CDC42SE2: variants seen among roughly 807,000 people sequenced by gnomAD.
The protein encoded by CDC42SE2 is CDC42 small effector protein 2.
In CDC42SE2, 3 loss-of-function variants were observed where a neutral mutation model predicts 11.5. The observed-to-expected ratio is 0.26, with a 90% CI of 0.12 to 0.67. CDC42SE2 has a LOEUF of 0.67. Ranked by LOEUF, CDC42SE2 falls within the 30% of genes least tolerant of loss-of-function variation. The pLI is 0.80. For missense variants in CDC42SE2, 82 were observed against 106.8 expected (o/e 0.77, Z 1.02); for synonymous variants, 33 against 34.8 (o/e 0.95, Z 0.18).
At chr5:131,221,218 G>A in the CDC42SE2 span, among the ~76,000 whole-genome samples, 1 of 151,888 alleles carries the variant, frequency 6.6e-6, no homozygotes, top group Non-Finnish European at 1.5e-5. Flanking sequence ...GCAGCCCACG[G>A]CCACATGCAG....
At chr5:131,302,835 T>C (rs1757711556) in intron 1 of CDC42SE2, among the ~76,000 whole-genome samples, 1 of 152,132 alleles carries the variant, frequency 6.6e-6, no homozygotes, top group Non-Finnish European at 1.5e-5. Flanking sequence ...TTTTTTTTTT[T>C]TTAAGACAAG....
chr5:131,267,903 A>C (rs1454796085), intron 1 of CDC42SE2, among the ~76,000 whole-genome samples: 1 of 151,890 alleles, frequency 6.6e-6, no homozygotes, highest in Admixed American at 6.6e-5. Context: ...GATCTGCTGT[A>C]TTGTTCTTAT....
chr5:131,226,111 C>A, the CDC42SE2 span, among the ~76,000 whole-genome samples: 4 of 152,096 alleles, frequency 2.6e-5, no homozygotes, highest in African/African-American at 9.7e-5. Context: ...GTTTAATTGC[C>A]AAAGACAGGA....
At chr5:131,234,430 G>A in the CDC42SE2 span, among the ~76,000 whole-genome samples, 1 of 152,242 alleles carries the variant, frequency 6.6e-6, no homozygotes, top group Admixed American at 6.5e-5. Flanking sequence ...AAGGTCAGGA[G>A]TTCAAGATCA....
At chr5:131,243,676 C>T (rs1035951171), upstream of CDC42SE2, among the ~76,000 whole-genome samples, 8 of 152,218 alleles carry the variant, frequency 5.3e-5, no homozygotes, top group African/African-American at 1.9e-4. Context: ...CAATCCTGGT[C>T]TCAGAATTTG....
chr5:131,305,117 GTA>G (rs36077727), intron 1 of CDC42SE2, among the ~76,000 whole-genome samples: 86,519 of 151,772 alleles, frequency 0.57, 28,599 homozygotes, highest in Non-Finnish European at 0.76. Flanking sequence ...AAATTATACA[GTA>G]TATACTCTTT....
chr5:131,270,400 C>G (rs1756969170), intron 1 of CDC42SE2, among the ~76,000 whole-genome samples: 1 of 152,070 alleles, frequency 6.6e-6, no homozygotes. Flanking sequence ...AAAATAAAAA[C>G]AACAACATAA....
At chr5:131,338,572 A>G (rs1417856878) in intron 2 of CDC42SE2, among the ~76,000 whole-genome samples, 1 of 152,320 alleles carries the variant, frequency 6.6e-6, no homozygotes, top group East Asian at 1.9e-4. Flanking sequence ...AGTTGTTGAG[A>G]CTTCATTTTC....
chr5:131,373,800 G>A (rs1473868097), intron 3 of CDC42SE2, among the ~76,000 whole-genome samples: 1 of 152,132 alleles, frequency 6.6e-6, no homozygotes, highest in East Asian at 1.9e-4. Context: ...TACAAAGGAA[G>A]CGAGAGAGAG....
intron 3 of CDC42SE2, among the ~76,000 whole-genome samples, chr5:131,360,606 T>C (rs1244162414): frequency 6.6e-6 from 1 of 152,240 alleles, no homozygotes; most frequent in African/African-American, 2.4e-5. Flanking sequence ...TTTTGAATTA[T>C]TTATGGGTCT....
chr5:131,307,865 C>G (rs987180501), intron 1 of CDC42SE2, among the ~76,000 whole-genome samples: 1 of 152,112 alleles, frequency 6.6e-6, no homozygotes, highest in Non-Finnish European at 1.5e-5. Flanking sequence ...TGAATGTCTT[C>G]TTTTGAAAAG....
the CDC42SE2 span, among the ~76,000 whole-genome samples, chr5:131,234,323 A>G: frequency 3.3e-5 from 5 of 152,262 alleles, no homozygotes; most frequent in South Asian, 1.0e-3. Context: ...AATAGGAGAT[A>G]GATAGATAGA....
At chr5:131,282,114 CT>C (rs1183837254) in intron 1 of CDC42SE2, among the ~76,000 whole-genome samples, 1 of 152,048 alleles carries the variant, frequency 6.6e-6, no homozygotes, top group East Asian at 1.9e-4. Context: ...GTTTTTCGGA[CT>C]GTTTTAAAAA....
At chr5:131,279,776 A>G (rs577199061) in intron 1 of CDC42SE2, among the ~76,000 whole-genome samples, 2 of 152,264 alleles carry the variant, frequency 1.3e-5, no homozygotes, top group South Asian at 4.1e-4. Flanking sequence ...TTGTTTAAAA[A>G]TTGAACTCTG....
intron 3 of CDC42SE2, among the ~76,000 whole-genome samples, chr5:131,382,154 A>G (rs1005737618): frequency 2.6e-5 from 4 of 152,226 alleles, no homozygotes; most frequent in African/African-American, 9.6e-5. Context: ...TTAGTTATCT[A>G]ATAACACAGT....
At chr5:131,267,406 T>C (rs1756893033) in intron 1 of CDC42SE2, among the ~76,000 whole-genome samples, 1 of 152,180 alleles carries the variant, frequency 6.6e-6, no homozygotes, top group African/African-American at 2.4e-5. Flanking sequence ...CAAAGTATTG[T>C]TCCTTCCTTG....
intron 1 of CDC42SE2, among the ~76,000 whole-genome samples, chr5:131,268,932 G>A (rs994291353): frequency 2.0e-5 from 3 of 151,842 alleles, no homozygotes; most frequent in Non-Finnish European, 4.4e-5. Context: ...TGTATTTTTA[G>A]TAGAGCCGGG....
At chr5:131,314,800 A>G (rs1339773644) in intron 1 of CDC42SE2, among the ~76,000 whole-genome samples, 1 of 152,076 alleles carries the variant, frequency 6.6e-6, no homozygotes, top group Admixed American at 6.6e-5. Context: ...AATGGTTTTC[A>G]TTTTTCCTTT....
the CDC42SE2 span, among the ~76,000 whole-genome samples, chr5:131,236,995 C>A: frequency 1.3e-5 from 2 of 152,164 alleles, no homozygotes; most frequent in Admixed American, 1.3e-4. Context: ...TTTTTCCCAA[C>A]TATTCTGGCT....
Sources: allele counts gnomAD v4.1 joint callset (sites outside exome capture counted in the v4.1 genomes callset), GRCh38; gene constraint gnomAD v4.1.1; transcripts MANE v1.5; gene names NCBI Gene and HGNC (gene_info 2026-07-23, HGNC 2026-07-21).